The following NGEF variants were observed in gnomAD, a reference collection of about 807,000 sequenced individuals.
NGEF encodes the protein neuronal guanine nucleotide exchange factor, also known as ephexin-1.
In NGEF, 31 loss-of-function variants were observed where a neutral mutation model predicts 80.9. The observed-to-expected ratio is 0.38, with a 90% CI of 0.29 to 0.52. The LOEUF is 0.52. Ranked by LOEUF, NGEF falls within the 20% of genes least tolerant of loss-of-function variation. The pLI is 0.84. For missense variants in NGEF, 709 were observed against 926.2 expected, an observed-to-expected ratio of 0.77 and a Z score of 3.04; for synonymous variants, 371 against 370.2, an observed-to-expected ratio of 1.00 and a Z score of -0.03.
chr2:233,012,187 A>T (rs1393069712), intron 1 of NGEF, among the ~76,000 whole-genome samples: 1 of 152,248 alleles, frequency 6.6e-6, no homozygotes, highest in Non-Finnish European at 1.5e-5. Context: ...GGATTTTCCC[A>T]AAAAGCAGAA....
At chr2:232,900,382 G>A (rs1692288319) in intron 5 of NGEF, among the ~76,000 whole-genome samples, 1 of 80,064 alleles carries the variant, frequency 1.2e-5, no homozygotes, top group Non-Finnish European at 2.4e-5. Context: ...ACACACACAC[G>A]CTCTCACAGT....
rs780444133 is a variant in NGEF, at chr2:232,894,855, G to A, written c.890C>T (p.Ser297Phe). The stretch of plus-strand genomic sequence containing the variant: ...TATCCGCTCGTTCTCCATGAAGTGG[G>A]ACACGAGCAGGTTCAGACTCTTGTA... ...SYYKSLNLLV[S>F]HFMENERIRK... The change falls in exon 6 of 15, where the codon TCC becomes TTC. Residue 297 changes from serine to phenylalanine, a missense_variant. By Grantham distance (155) the Ser-to-Phe change is radical (BLOSUM62 -2). This residue lies in a region of NGEF where 426 missense variants were observed against 622.9 expected (regional missense o/e 0.68). Transcript: ENST00000264051. 3.5e-5 allele frequency: 56 copies of A among 1,610,962 alleles called. No homozygotes were observed. Among genetic ancestry groups the A allele is most frequent in the Non-Finnish European group, 4.5e-5 (53 of 1,178,436 alleles).
intron 5 of NGEF, among the ~76,000 whole-genome samples, chr2:232,906,268 G>T (rs543443968): frequency 1.5e-4 from 19 of 123,886 alleles, no homozygotes; most frequent in African/African-American, 5.0e-4. Flanking sequence ...GGAGGTGAGG[G>T]GCGCCTCTGC....
At chr2:232,918,317 T>C (rs1692855773) in intron 5 of NGEF, among the ~76,000 whole-genome samples, 1 of 152,124 alleles carries the variant, frequency 6.6e-6, no homozygotes, top group African/African-American at 2.4e-5. Context: ...GCCAGGGTGG[T>C]CTTGAACTCT....
intron 1 of NGEF, among the ~76,000 whole-genome samples, chr2:232,978,438 C>A (rs1029309473): frequency 9.9e-5 from 15 of 152,148 alleles, no homozygotes; most frequent in Non-Finnish European, 1.9e-4. Flanking sequence ...TCGCTTGAAA[C>A]GGGAAGGCAT....
chr2:232,945,037 C>A (rs1209177630), intron 3 of NGEF, among the ~76,000 whole-genome samples: 2 of 151,966 alleles, frequency 1.3e-5, no homozygotes, highest in African/African-American at 4.8e-5. Context: ...CAGGCATGAG[C>A]CACCACGCCT....
intron 8 of NGEF, among the ~76,000 whole-genome samples, chr2:232,888,937 C>T (rs1429181498): frequency 1.3e-5 from 2 of 152,210 alleles, no homozygotes; most frequent in Admixed American, 6.5e-5. Context: ...CGGTCCCCAC[C>T]ATGCCCACGT....
rs201127893 is a variant in NGEF, at chr2:232,879,682, G to T, written c.1943-3C>A. 5 of 1,606,368 alleles carry T rather than the reference G, an allele frequency of 3.1e-6. No individual in the cohort carries two copies. In the Admixed American group the frequency reaches 6.7e-5, roughly 21 times the overall value. ...CAGACGCTCGCCAAAGATCCACCCTGTGCAGGGAGGGGAGGGAGAGAAGGT... is the reference window on the plus strand; with the variant it reads ...CAGACGCTCGCCAAAGATCCACCCTTTGCAGGGAGGGGAGGGAGAGAAGGT... On this transcript the variant is annotated splice_region_variant and splice_polypyrimidine_tract_variant and intron_variant, in intron 14 of 14. Transcript: ENST00000264051.
intron 3 of NGEF, among the ~76,000 whole-genome samples, chr2:232,943,553 T>G (rs1450978040): frequency 1.6e-5 from 2 of 122,306 alleles, no homozygotes; most frequent in East Asian, 2.0e-4. Context: ...TGGAGTGCAG[T>G]GGCGCGATCT....
intron 3 of NGEF, among the ~76,000 whole-genome samples, chr2:232,939,395 G>A (rs1693395614): frequency 6.6e-6 from 1 of 152,088 alleles, no homozygotes; most frequent in Non-Finnish European, 1.5e-5. Context: ...GTGCTAAAAT[G>A]CATTCACTAT....
At position 232,995,105 on chromosome 2, in the gene NGEF, T is replaced by C. The variant is rs796252582; in HGVS notation, c.-75+17963A>G. Among the ~76,000 whole-genome samples the C allele has an allele frequency of 6.2e-4, 6 of 9,696 alleles. 3 individuals carry two copies. The highest frequency in any genetic ancestry group is 1.0e-3 in the Non-Finnish European group (4 of 3,956). The allele number at this position is 9,696 out of a possible 152,430, so 6.4% of individuals were successfully genotyped here. Reference sequence around the variant, plus strand: ...GTGTACAGTATGTATATGTGTACAGTATGTATATGTGTACAGTATGTATAT... The same window carrying C: ...GTGTACAGTATGTATATGTGTACAGCATGTATATGTGTACAGTATGTATAT... On this transcript the variant is annotated intron_variant, in intron 1 of 14. Transcript: ENST00000264051.
chr2:232,940,005 A>G (rs906968190), intron 3 of NGEF, among the ~76,000 whole-genome samples: 3 of 152,060 alleles, frequency 2.0e-5, no homozygotes, highest in African/African-American at 7.2e-5. Context: ...TTAAAAAAAA[A>G]AAAAAAATTT....
chr2:232,927,114 C>A lies in NGEF; in HGVS notation c.456G>T (p.Thr152=), dbSNP rs572666943. ...GGATCATCCGCAGGGCCTCGGTGAGCGTGGTGGGGCTGTCGGCCAGGGCCG... is the reference window on the plus strand; with the variant it reads ...GGATCATCCGCAGGGCCTCGGTGAGAGTGGTGGGGCTGTCGGCCAGGGCCG... ...EWPALADSPT[T]LTEALRMIHP... is the part of the protein sequence containing the mutation. The change falls in exon 4 of 15, where the codon ACG becomes ACT. Residue 152 remains threonine (T), a synonymous_variant. Transcript: ENST00000264051. 1.2e-6 allele frequency: 2 copies of A among 1,612,910 alleles called. No individual in the cohort carries two copies. Among genetic ancestry groups the A allele is most frequent in the African/African-American group, 2.7e-5 (2 of 74,898 alleles).
At chr2:232,983,205 G>C (rs1694472402) in intron 1 of NGEF, among the ~76,000 whole-genome samples, 1 of 151,674 alleles carries the variant, frequency 6.6e-6, no homozygotes, top group Non-Finnish European at 1.5e-5. Flanking sequence ...GGCAGTAACA[G>C]GAAAGGGGCT....
chr2:232,980,497 T>A (rs1694390321), intron 1 of NGEF, among the ~76,000 whole-genome samples: 1 of 152,056 alleles, frequency 6.6e-6, no homozygotes, highest in African/African-American at 2.4e-5. Flanking sequence ...ACTGCATTTC[T>A]TTTTTCTTTT....
chr2:232,974,437 A>G (rs1012122296), intron 2 of NGEF, among the ~76,000 whole-genome samples, 186 bp downstream of exon 2: 1 of 152,216 alleles, frequency 6.6e-6, no homozygotes, highest in Admixed American at 6.5e-5. Context: ...TCCTAAGTAC[A>G]CACGTCATCA....
chr2:232,944,072 A>T (rs1477862831), intron 3 of NGEF, among the ~76,000 whole-genome samples: 4 of 151,818 alleles, frequency 2.6e-5, no homozygotes, highest in Admixed American at 2.6e-4. Context: ...GTCTCTACTA[A>T]AAGTACAAAA....
intron 3 of NGEF, among the ~76,000 whole-genome samples, chr2:232,928,706 G>C (rs1030440059): frequency 6.6e-6 from 1 of 152,194 alleles, no homozygotes; most frequent in African/African-American, 2.4e-5. Flanking sequence ...TCTTTCCCGG[G>C]CGAGTCTGGT....
In NGEF at chr2:233,005,970, C is replaced by A. The variant is rs541409345; in HGVS notation, c.-75+7098G>T. ...TAGCTGGAATTACAGGCACCTGCCA[C>A]CACATCTGGCTAATTTTTGTATTTT... is the stretch of plus-strand genomic sequence containing the variant. On this transcript the variant is annotated intron_variant, in intron 1 of 14. Coordinates refer to ENST00000264051, the MANE Select transcript of NGEF (RefSeq NM_019850.3). Among the ~76,000 whole-genome samples, 30 of 152,156 alleles carry A rather than the reference C, an allele frequency of 2.0e-4. 1 individual carries two copies. Among genetic ancestry groups the A allele is most frequent in the South Asian group, 8.3e-4 (4 of 4,828 alleles).
Sources: allele counts gnomAD v4.1 joint callset (sites outside exome capture counted in the v4.1 genomes callset), GRCh38; gene constraint gnomAD v4.1.1; regional missense constraint gnomAD v4.1.1; transcripts MANE v1.5; gene names NCBI Gene and HGNC (gene_info 2026-07-23, HGNC 2026-07-21).